The following ICE2 variants were observed in gnomAD, a reference collection of about 807,000 sequenced individuals.
ICE2 encodes the protein interactor of little elongation complex ELL subunit 2, also known as little elongation complex subunit 2.
Under a neutral mutation model 105.4 loss-of-function variants are expected in ICE2, and 87 were observed. The ratio of observed to expected loss-of-function variants is 0.83; its 90% CI spans 0.69 to 0.99. The LOEUF (loss-of-function observed/expected upper bound fraction) is 0.99, where lower values mean the gene tolerates loss of function less well. Among genes scored for constraint, ICE2 ranks in the 50% least tolerant of loss-of-function variants. The pLI is 0.00. For missense variants in ICE2, 1,323 were observed against 1,146.7 expected (o/e 1.15, Z -2.22); for synonymous variants, 399 against 392.0 (o/e 1.02, Z -0.21).
chr15:60,452,763 T>G, intron 9 of ICE2: 1 of 590,476 alleles, frequency 1.7e-6, no homozygotes, highest in Non-Finnish European at 2.1e-6. Context: ...AACAATCCTA[T>G]GAGTTAGGTA....
chr15:60,424,551 G>A (rs1168673609), intron 15 of ICE2, among the ~76,000 whole-genome samples: 3 of 152,092 alleles, frequency 2.0e-5, no homozygotes, highest in African/African-American at 7.2e-5. Flanking sequence ...CTGTCACCCA[G>A]GCTGGAGGAC....
intron 15 of ICE2, among the ~76,000 whole-genome samples, chr15:60,426,711 T>G (rs1371116875): frequency 6.6e-6 from 1 of 152,230 alleles, no homozygotes; most frequent in African/African-American, 2.4e-5. Context: ...ATTTTTCCTT[T>G]CACTTAAAGT....
Position 60,448,932 on chromosome 15 carries a change from C to G in ICE2, c.2035G>C (p.Val679Leu). The G allele has an allele frequency of 1.9e-6, 3 of 1,614,024 alleles. No individual in the cohort carries two copies. Among genetic ancestry groups the G allele is most frequent in the Non-Finnish European group, 2.5e-6 (3 of 1,179,944 alleles). Residue 679 changes from valine (V) to leucine (L), a missense_variant, in exon 10 of 16, where the codon GTT (valine) becomes CTT (leucine). Physicochemically the swap from Val to Leu is conservative, Grantham distance 32. Coordinates refer to ENST00000261520, the MANE Select transcript of ICE2 (RefSeq NM_024611.6). Reference sequence around the variant, plus strand: ...GAAGGACCAGACAATTGCTCAGAAACAGAAGGCTGTTTAGAATTTTCTAAA... The same window carrying G: ...GAAGGACCAGACAATTGCTCAGAAAGAGAAGGCTGTTTAGAATTTTCTAAA... ...MNLENSKQPS[V>L]SEQLSGPSDS... is the part of the protein sequence containing the mutation.
At chr15:60,431,617 G>C (rs1444323976) in intron 14 of ICE2, among the ~76,000 whole-genome samples, 1 of 152,050 alleles carries the variant, frequency 6.6e-6, no homozygotes, top group Non-Finnish European at 1.5e-5. Context: ...AACTGATTTT[G>C]GATTTCTGAA....
intron 5 of ICE2, among the ~76,000 whole-genome samples, chr15:60,457,416 G>A (rs527906311): frequency 6.6e-6 from 1 of 152,194 alleles, no homozygotes; most frequent in African/African-American, 2.4e-5. Context: ...TGTTGGGGGT[G>A]GGGAAGAGTT....
intron 14 of ICE2, among the ~76,000 whole-genome samples, chr15:60,431,167 C>G (rs1183283102): frequency 6.6e-6 from 1 of 151,906 alleles, no homozygotes; most frequent in African/African-American, 2.4e-5. Context: ...CCACTGCGCC[C>G]GGCCTCTATG....
chr15:60,474,128 C>T (rs1158911443), intron 3 of ICE2, among the ~76,000 whole-genome samples: 1 of 151,920 alleles, frequency 6.6e-6, no homozygotes, highest in East Asian at 1.9e-4. Flanking sequence ...CAGACTCAGG[C>T]CTCAAGTCAT....
In ICE2 at chr15:60,433,137, C is replaced by T. The variant is rs369206708; in HGVS notation, c.2511-1153G>A. On this transcript the variant is annotated intron_variant, in intron 13 of 15. Transcript: ENST00000261520. ...TCTCGCTCTGTCGCCCAGGCTGGAG[C>T]GCCAGGCTGGAGCGATCTTGGCTCA... Among the ~76,000 whole-genome samples, 168 of 150,610 alleles carry T rather than the reference C, an allele frequency of 1.1e-3. 3 individuals carry two copies. Among genetic ancestry groups the T allele is most frequent in the African/African-American group, 3.8e-3 (158 of 41,086 alleles).
At chr15:60,426,203 G>A (rs1400212107) in intron 15 of ICE2, among the ~76,000 whole-genome samples, 1 of 152,090 alleles carries the variant, frequency 6.6e-6, no homozygotes, top group Non-Finnish European at 1.5e-5. Context: ...TACAACAGTG[G>A]TCCCAAAAGA....
At chr15:60,444,602 A>G (rs550460652) in intron 11 of ICE2, among the ~76,000 whole-genome samples, 1 of 152,348 alleles carries the variant, frequency 6.6e-6, no homozygotes, top group African/African-American at 2.4e-5. Flanking sequence ...GAAATCATCC[A>G]AAGTTCCTGG....
chr15:60,439,684 G>T (rs1011536343), intron 12 of ICE2: 1 of 152,162 alleles, frequency 6.6e-6, no homozygotes, highest in African/African-American at 2.4e-5. Flanking sequence ...TACCTGGCCG[G>T]ATACATCTTT....
At chr15:60,464,341 A>T (rs970307051) in intron 5 of ICE2, among the ~76,000 whole-genome samples, 2 of 93,358 alleles carry the variant, frequency 2.1e-5, no homozygotes, top group Admixed American at 1.2e-4. Flanking sequence ...ACCACGAGTG[A>T]ATAAAACAGC....
In ICE2 at chr15:60,428,425, T is replaced by G; in HGVS notation, c.2820+4A>C. ...TGAACCTTTAATTTCAAAAAAGATC[T>G]TACCTTTTGTTGTGTTGTGGTATCC... On this transcript the variant is annotated splice_donor_region_variant and intron_variant, in intron 15 of 15. Transcript: ENST00000261520. 6.2e-7 allele frequency: 1 copy of G among 1,608,440 alleles called. No homozygotes were observed. The highest frequency in any genetic ancestry group is 1.1e-5 in the South Asian group (1 of 90,744).
rs918694088 is a variant in ICE2, at chr15:60,451,334, C to A, written c.1126-1493G>T. The A allele has an allele frequency of 2.7e-5, 24 of 897,610 alleles. No individual in the cohort carries two copies. In the Admixed American group the frequency reaches 1.2e-3, roughly 46 times the overall value. The allele number at this position is 897,610 out of a possible 1,614,324, so 55.6% of individuals were successfully genotyped here. A position where few individuals can be genotyped will look rare whatever the true frequency, so the allele number is the denominator to read the frequency against. On this transcript the variant is annotated intron_variant, in intron 9 of 15. Transcript: ENST00000261520. ...TCCAAAGGGCATTTCAAAAAATGAA[C>A]TATAAATTAATATACAAAGAAAATC...
chr15:60,430,913 C>T (rs1398524031), intron 14 of ICE2, among the ~76,000 whole-genome samples: 2 of 152,046 alleles, frequency 1.3e-5, no homozygotes, highest in Non-Finnish European at 2.9e-5. Context: ...CTCACTCTGT[C>T]GCCCAGGCTG....
At chr15:60,462,481 A>G (rs2064306242) in intron 5 of ICE2, among the ~76,000 whole-genome samples, 1 of 152,230 alleles carries the variant, frequency 6.6e-6, no homozygotes, top group South Asian at 2.1e-4. Flanking sequence ...TGGCCTTTCC[A>G]CAATGTATAC....
At chr15:60,440,108 C>T (rs539637084) in intron 12 of ICE2, 1 of 152,306 alleles carries the variant, frequency 6.6e-6, no homozygotes, top group Non-Finnish European at 1.5e-5. Flanking sequence ...TGTGCATGAA[C>T]TCAATGGGTA....
At chr15:60,427,895 A>C (rs1202911914) in intron 15 of ICE2, among the ~76,000 whole-genome samples, 2 of 152,204 alleles carry the variant, frequency 1.3e-5, no homozygotes, top group African/African-American at 4.8e-5. Flanking sequence ...TAATTCAGTA[A>C]ATACTGAGTT....
At chr15:60,425,425 G>C (rs935309000) in intron 15 of ICE2, among the ~76,000 whole-genome samples, 1 of 152,192 alleles carries the variant, frequency 6.6e-6, no homozygotes, top group African/African-American at 2.4e-5. Flanking sequence ...GTGTGTGTCT[G>C]AATGTGTAAA....
Sources: allele counts gnomAD v4.1 joint callset (sites outside exome capture counted in the v4.1 genomes callset), GRCh38; gene constraint gnomAD v4.1.1; transcripts MANE v1.5; gene names NCBI Gene and HGNC (gene_info 2026-07-23, HGNC 2026-07-21).